Variants in ASB3 observed in about 807,000 individuals in gnomAD.
ASB3 encodes ankyrin repeat and SOCS box protein 3.
A neutral mutation model predicts 54.5 loss-of-function variants in ASB3; 41 were observed. The observed-to-expected ratio is 0.75, with a 90% CI of 0.59 to 0.98. ASB3 has a LOEUF of 0.98. Among genes scored for constraint, ASB3 ranks in the 50% least tolerant of loss-of-function variants. The pLI is 0.00. For synonymous variants in ASB3, 266 were observed against 221.2 expected, an observed-to-expected ratio of 1.20 and a Z score of -1.80; for missense variants, 733 against 620.0, an observed-to-expected ratio of 1.18 and a Z score of -1.94.
At chr2:53,692,338 T>C (rs1459583458) in intron 9 of ASB3, among the ~76,000 whole-genome samples, 7 of 152,108 alleles carry the variant, frequency 4.6e-5, no homozygotes, top group East Asian at 3.9e-4. Flanking sequence ...AGATGTGAGA[T>C]AGCAAATGGA....
At chr2:53,698,455 T>C (rs1669305737) in intron 8 of ASB3, among the ~76,000 whole-genome samples, 2 of 152,172 alleles carry the variant, frequency 1.3e-5, no homozygotes, top group Admixed American at 1.3e-4. Flanking sequence ...CTTCTAATTA[T>C]ATTATGTCCT....
rs761481408 is a variant in ASB3, at chr2:53,714,585, TA to T, written c.783-5del. ...TGGTATTAACAAGTCCAAGATTCTA[TA>T]AATACACAAATTCAGGAGAATTTAG... On this transcript the variant is annotated splice_polypyrimidine_tract_variant and splice_region_variant and intron_variant, in intron 6 of 9. Transcript: ENST00000263634. 14 of 1,612,868 alleles carry T rather than the reference TA, an allele frequency of 8.7e-6. No individual in the cohort carries two copies. Among genetic ancestry groups the T allele is most frequent in the Non-Finnish European group, 1.2e-5 (14 of 1,179,476 alleles).
intron 9 of ASB3, among the ~76,000 whole-genome samples, chr2:53,675,095 C>T (rs1279435061): frequency 6.6e-6 from 1 of 152,114 alleles, no homozygotes; most frequent in African/African-American, 2.4e-5. Flanking sequence ...AATGCCTCAT[C>T]TACAAAATGG....
intron 2 of ASB3, among the ~76,000 whole-genome samples, chr2:53,764,571 T>TG (rs1673329720): frequency 6.6e-6 from 1 of 152,194 alleles, no homozygotes; most frequent in Non-Finnish European, 1.5e-5. Context: ...ACCCCCTCTA[T>TG]ACTAAATGTC....
intron 8 of ASB3, 57 bp from the exon 9 acceptor site, chr2:53,694,071 CT>C: frequency 6.3e-7 from 1 of 1,589,456 alleles, no homozygotes; most frequent in East Asian, 2.3e-5. Context: ...AGGGTTCGTA[CT>C]TGAAACAAAC....
chr2:53,750,982 T>G, intron 2 of ASB3, 41 bp from the exon 3 acceptor site: 1 of 1,427,320 alleles, frequency 7.0e-7, no homozygotes, highest in Non-Finnish European at 9.2e-7. Context: ...AGGTATTACT[T>G]CTATTTCCTG....
intron 8 of ASB3, among the ~76,000 whole-genome samples, chr2:53,695,621 T>C (rs139263860): frequency 2.6e-5 from 4 of 152,130 alleles, no homozygotes; most frequent in African/African-American, 9.7e-5. Context: ...GTTTAGTTAA[T>C]ATAACGGTGA....
At chr2:53,716,368 T>C (rs1670390691) in intron 6 of ASB3, among the ~76,000 whole-genome samples, 198 bp downstream of exon 6, 1 of 151,816 alleles carries the variant, frequency 6.6e-6, no homozygotes, top group South Asian at 2.1e-4. Context: ...CAATTCTGCC[T>C]CACAATATGA....
intron 1 of ASB3, among the ~76,000 whole-genome samples, chr2:53,772,922 A>T (rs1674046423): frequency 6.6e-6 from 1 of 151,990 alleles, no homozygotes; most frequent in African/African-American, 2.4e-5. Context: ...ACTGGTTTGG[A>T]GCACCAGAAA....
chr2:53,727,776 A>C (rs1671087984), intron 5 of ASB3, among the ~76,000 whole-genome samples: 1 of 151,944 alleles, frequency 6.6e-6, no homozygotes, highest in Non-Finnish European at 1.5e-5. Flanking sequence ...CCCAGGCTGG[A>C]GTGCAGTGGT....
intron 1 of ASB3, chr2:53,774,042 A>G (rs893805311): frequency 1.5e-6 from 2 of 1,291,612 alleles, no homozygotes; most frequent in South Asian, 1.5e-5. Context: ...TCAAAAACAA[A>G]CAGAAAAGAA....
At chr2:53,676,415 T>C (rs1373376314) in intron 9 of ASB3, among the ~76,000 whole-genome samples, 1 of 152,216 alleles carries the variant, frequency 6.6e-6, no homozygotes, top group East Asian at 1.9e-4. Flanking sequence ...CATCATTCTG[T>C]TAAATAAGCC....
At chr2:53,708,006 G>T (rs1023285107) in intron 7 of ASB3, among the ~76,000 whole-genome samples, 2 of 150,634 alleles carry the variant, frequency 1.3e-5, no homozygotes, top group South Asian at 4.2e-4. Context: ...AAAAGAAAAA[G>T]AAAGAAATGC....
intron 9 of ASB3, among the ~76,000 whole-genome samples, chr2:53,689,935 C>A (rs981319901): frequency 6.6e-6 from 1 of 152,026 alleles, no homozygotes; most frequent in African/African-American, 2.4e-5. Flanking sequence ...TGTACTACTA[C>A]TAAAAACTAA....
intron 7 of ASB3, among the ~76,000 whole-genome samples, chr2:53,705,816 C>A (rs369163830): frequency 3.3e-5 from 5 of 151,878 alleles, no homozygotes; most frequent in Admixed American, 6.6e-5. Flanking sequence ...TTGTTTTTAA[C>A]CTTTAAATTT....
chr2:53,767,823 CA>C, intron 1 of ASB3: 4 of 1,545,242 alleles, frequency 2.6e-6, no homozygotes, highest in Non-Finnish European at 3.5e-6. Flanking sequence ...CCGGAGGCTT[CA>C]GTCCCCGGCG....
intron 1 of ASB3, chr2:53,775,263 C>G (rs1171869320): frequency 6.6e-6 from 1 of 152,532 alleles, no homozygotes; most frequent in Non-Finnish European, 1.5e-5. Context: ...GCTGATACTA[C>G]AAATTAATGG....
intron 1 of ASB3, among the ~76,000 whole-genome samples, chr2:53,783,977 G>A (rs1674795720): frequency 6.6e-6 from 1 of 152,208 alleles, no homozygotes; most frequent in Non-Finnish European, 1.5e-5. Context: ...GACTTGTAAA[G>A]CAACTAGTCT....
At chr2:53,736,078 G>A (rs1364168109) in intron 3 of ASB3, among the ~76,000 whole-genome samples, 1 of 149,722 alleles carries the variant, frequency 6.7e-6, no homozygotes, top group East Asian at 1.9e-4. Context: ...CATATTAAAA[G>A]CAATAAACAT....
Sources: allele counts gnomAD v4.1 joint callset (sites outside exome capture counted in the v4.1 genomes callset), GRCh38; gene constraint gnomAD v4.1.1; transcripts MANE v1.5; gene names NCBI Gene and HGNC (gene_info 2026-07-23, HGNC 2026-07-21).